The following FHOD3 variants were observed in gnomAD, a reference collection of about 807,000 sequenced individuals.
The protein encoded by FHOD3 is formin homology 2 domain containing 3.
In FHOD3, 90 loss-of-function variants were observed where a neutral mutation model predicts 173.0. The ratio of observed to expected loss-of-function variants is 0.52; its 90% CI spans 0.44 to 0.62. The LOEUF is 0.62. Among genes scored for constraint, FHOD3 ranks in the 20% least tolerant of loss-of-function variants. The probability of loss-of-function intolerance (pLI) is 0.00; values close to 1 mark genes in which losing one functional copy is unlikely to be tolerated. For missense variants in FHOD3, 1,945 were observed against 2,034.7 expected (o/e 0.96, Z 0.85); for synonymous variants, 828 against 823.0 (o/e 1.01, Z -0.10).
chr18:36,489,715 G>T (rs977570324), intron 3 of FHOD3, among the ~76,000 whole-genome samples: 2 of 152,088 alleles, frequency 1.3e-5, no homozygotes, highest in Admixed American at 6.6e-5. Context: ...AAAGGAATAC[G>T]TGAGTCTTGA....
chr18:36,541,249 C>CAAAAAAAAAAAAAAAAAAAAAAAA (rs770104487), intron 5 of FHOD3, among the ~76,000 whole-genome samples: 1 of 40,354 alleles, frequency 2.5e-5, no homozygotes, highest in Non-Finnish European at 5.2e-5. Context: ...GACTCTGTCT[C>CAAAAAAAAAAAAAAAAAAAAAAAA]AAAAAAAAAA....
chr18:36,354,157 T>A (rs2046254501), intron 1 of FHOD3, among the ~76,000 whole-genome samples: 1 of 152,168 alleles, frequency 6.6e-6, no homozygotes, highest in Non-Finnish European at 1.5e-5. Context: ...ACCAGAACAC[T>A]CAGTTGATAC....
intron 22 of FHOD3, 69 bp downstream of exon 22, chr18:36,742,925 TGAAG>T: frequency 2.6e-6 from 4 of 1,558,650 alleles, no homozygotes; most frequent in Non-Finnish European, 3.5e-6. Context: ...CAATTGCTGA[TGAAG>T]GTTGTACCTC....
At position 36,695,305 on chromosome 18, in the gene FHOD3, G is replaced by A. The variant is rs1414938505; in HGVS notation, c.2236+1882G>A. Among the ~76,000 whole-genome samples, 3 of 151,232 alleles carry A rather than the reference G, an allele frequency of 2.0e-5. No individual in the cohort carries two copies. In the East Asian group the frequency reaches 5.8e-4, roughly 29 times the overall value. On this transcript the variant is annotated intron_variant, in intron 17 of 28. Coordinates refer to ENST00000590592, the MANE Select transcript of FHOD3 (RefSeq NM_001281740.3). ...GGAGGTTGCAGTGAGCCAAGATTGT[G>A]CCATTGCACTCCAGCCTGGGTGACA... is the stretch of plus-strand genomic sequence containing the variant.
chr18:36,716,583 T>C (rs571188135), intron 18 of FHOD3, among the ~76,000 whole-genome samples: 1 of 151,980 alleles, frequency 6.6e-6, no homozygotes, highest in South Asian at 2.1e-4. Flanking sequence ...CCAAGGACAT[T>C]TAAAGGTTAA....
At chr18:36,326,058 A>G (rs1037955656) in intron 1 of FHOD3, among the ~76,000 whole-genome samples, 1 of 152,212 alleles carries the variant, frequency 6.6e-6, no homozygotes, top group Non-Finnish European at 1.5e-5. Context: ...GGCTGGGATC[A>G]CTCAGCAGTC....
chr18:36,707,867 G>T (rs2039968922), intron 17 of FHOD3, among the ~76,000 whole-genome samples: 1 of 152,154 alleles, frequency 6.6e-6, no homozygotes. Flanking sequence ...TGAGCAGTGT[G>T]TACCTAGGGT....
intron 21 of FHOD3, among the ~76,000 whole-genome samples, chr18:36,742,240 G>A (rs1186379323): frequency 1.3e-5 from 2 of 152,116 alleles, no homozygotes; most frequent in Non-Finnish European, 2.9e-5. Flanking sequence ...AAAGCAGTGG[G>A]GTAGAGGGCA....
chr18:36,639,254 G>A (rs16968111), intron 10 of FHOD3, among the ~76,000 whole-genome samples: 2,665 of 152,256 alleles, frequency 0.018, 93 homozygotes, highest in African/African-American at 0.061. Flanking sequence ...TTAAAGCAAC[G>A]AATATTGGCC....
At chr18:36,743,308 C>CAA (rs57694311) in intron 22 of FHOD3, among the ~76,000 whole-genome samples, 13 of 65,872 alleles carry the variant, frequency 2.0e-4, no homozygotes, top group South Asian at 8.9e-4. Context: ...GACTCTGTCT[C>CAA]AAAAAAAAAA....
intron 3 of FHOD3, among the ~76,000 whole-genome samples, chr18:36,438,951 A>G (rs552024525): frequency 6.6e-6 from 1 of 152,296 alleles, no homozygotes; most frequent in South Asian, 2.1e-4. Context: ...TCTACCTCGC[A>G]CCCAAAGTTG....
At chr18:36,424,314 T>G (rs188069585) in intron 3 of FHOD3, among the ~76,000 whole-genome samples, 1 of 152,368 alleles carries the variant, frequency 6.6e-6, no homozygotes, top group Non-Finnish European at 1.5e-5. Flanking sequence ...GTGCTGTGCT[T>G]TTATTAGGCT....
intron 7 of FHOD3, among the ~76,000 whole-genome samples, chr18:36,595,167 A>C (rs2030118814): frequency 1.3e-5 from 2 of 152,128 alleles, no homozygotes; most frequent in Non-Finnish European, 2.9e-5. Flanking sequence ...CCTGCCACTG[A>C]AACACAGAAG....
At chr18:36,354,131 A>G (rs534561739) in intron 1 of FHOD3, among the ~76,000 whole-genome samples, 5 of 152,328 alleles carry the variant, frequency 3.3e-5, no homozygotes, top group Admixed American at 6.5e-5. Flanking sequence ...GTTGGCAAAC[A>G]CATTTGCTCA....
intron 5 of FHOD3, among the ~76,000 whole-genome samples, chr18:36,561,630 T>C (rs2058085188): frequency 6.6e-6 from 1 of 152,230 alleles, no homozygotes; most frequent in African/African-American, 2.4e-5. Flanking sequence ...CTTCATAATG[T>C]TGTGCCACCA....
intron 3 of FHOD3, among the ~76,000 whole-genome samples, chr18:36,478,040 CA>C (rs2053687433): frequency 6.6e-6 from 1 of 152,136 alleles, no homozygotes; most frequent in African/African-American, 2.4e-5. Flanking sequence ...CCCCAGGAGA[CA>C]AAACATGACA....
intron 3 of FHOD3, among the ~76,000 whole-genome samples, chr18:36,385,738 C>A (rs1380703241): frequency 6.6e-6 from 1 of 152,162 alleles, no homozygotes; most frequent in Non-Finnish European, 1.5e-5. Context: ...TAGAATGTTG[C>A]AGTTTTGGCA....
chr18:36,353,110 C>T (rs1384556719), intron 1 of FHOD3, among the ~76,000 whole-genome samples: 4 of 152,236 alleles, frequency 2.6e-5, no homozygotes, highest in African/African-American at 9.6e-5. Context: ...CACTACAGTA[C>T]AGACAGGTTG....
Position 36,702,820 on chromosome 18 carries a change from G to A in FHOD3, c.2237-6275G>A, listed in dbSNP as rs779423999. On this transcript the variant is annotated intron_variant, in intron 17 of 28. Transcript: ENST00000590592. Reference sequence around the variant, plus strand: ...TCCTGCCCACTGTGTGTGTGTGCGCGTGTGTGTGTGCACGTGTGCGTACAC... The same window carrying A: ...TCCTGCCCACTGTGTGTGTGTGCGCATGTGTGTGTGCACGTGTGCGTACAC... Among the ~76,000 whole-genome samples the A allele has an allele frequency of 1.2e-3, 182 of 152,116 alleles. 1 individual carries two copies. The highest frequency in any genetic ancestry group is 1.3e-3 in the Admixed American group (20 of 15,278).
Sources: gnomAD v4.1 joint callset for allele counts (sites outside exome capture counted in the v4.1 genomes callset) on GRCh38, gnomAD v4.1.1 for gene constraint, MANE v1.5 for transcripts, NCBI Gene and HGNC (gene_info 2026-07-23, HGNC 2026-07-21) for gene names.